NAALADL2: variants seen among roughly 807,000 people sequenced by gnomAD.
NAALADL2 encodes N-acetylated alpha-linked acidic dipeptidase like 2, also known as inactive N-acetylated-alpha-linked acidic dipeptidase-like protein 2.
A neutral mutation model predicts 87.2 loss-of-function variants in NAALADL2; 76 were observed. The observed-to-expected ratio is 0.87, with a 90% CI of 0.72 to 1.05. The LOEUF is 1.05. Ranked by LOEUF, NAALADL2 falls within the 50% of genes least tolerant of loss-of-function variation. NAALADL2 has a pLI of 0.00. For missense variants in NAALADL2, 1,089 were observed against 945.8 expected (o/e 1.15, Z -1.99); for synonymous variants, 354 against 331.0 (o/e 1.07, Z -0.75).
chr3:175,023,226 A>G (rs1751793314), intron 1 of NAALADL2, among the ~76,000 whole-genome samples: 1 of 150,494 alleles, frequency 6.6e-6, no homozygotes, highest in Non-Finnish European at 1.5e-5. Context: ...CTCAAGTCAT[A>G]AAGATGTATC....
intron 4 of NAALADL2, among the ~76,000 whole-genome samples, chr3:175,287,871 C>G (rs2110121377): frequency 6.6e-6 from 1 of 152,058 alleles, no homozygotes; most frequent in East Asian, 1.9e-4. Context: ...TGAATTTTTT[C>G]AAAAAGGAGT....
At chr3:174,863,218 C>T (rs1002484516) in intron 1 of NAALADL2, among the ~76,000 whole-genome samples, 1 of 152,212 alleles carries the variant, frequency 6.6e-6, no homozygotes, top group African/African-American at 2.4e-5. Context: ...CTCAAAACTG[C>T]GTTTGCTGCA....
intron 9 of NAALADL2, among the ~76,000 whole-genome samples, chr3:175,526,051 T>G (rs1415609581): frequency 6.6e-6 from 1 of 152,170 alleles, no homozygotes; most frequent in Non-Finnish European, 1.5e-5. Context: ...AAAAGAATAA[T>G]CTACAATTCG....
intron 2 of NAALADL2, among the ~76,000 whole-genome samples, chr3:174,590,516 T>A (rs759606066): frequency 2.4e-4 from 36 of 152,288 alleles, no homozygotes; most frequent in Admixed American, 1.9e-3. Context: ...TACTGATAGA[T>A]TTTGTCCCTC....
At chr3:174,919,055 T>A (rs1734792621) in intron 1 of NAALADL2, among the ~76,000 whole-genome samples, 1 of 152,066 alleles carries the variant, frequency 6.6e-6, no homozygotes, top group Non-Finnish European at 1.5e-5. Flanking sequence ...AATGTACATA[T>A]TTTAATTTAA....
At chr3:174,661,214 G>A (rs1725470287) in intron 2 of NAALADL2, among the ~76,000 whole-genome samples, 1 of 152,114 alleles carries the variant, frequency 6.6e-6, no homozygotes, top group Non-Finnish European at 1.5e-5. Flanking sequence ...CAACCCCAGA[G>A]TCTATCCACT....
intron 1 of NAALADL2, among the ~76,000 whole-genome samples, chr3:174,893,735 A>C (rs968386475): frequency 1.3e-5 from 2 of 152,194 alleles, no homozygotes; most frequent in African/African-American, 4.8e-5. Flanking sequence ...AAAAAATACA[A>C]AGCAGGAAAC....
At chr3:175,083,847 C>A (rs1029762227) in intron 1 of NAALADL2, among the ~76,000 whole-genome samples, 2 of 152,122 alleles carry the variant, frequency 1.3e-5, no homozygotes, top group African/African-American at 4.8e-5. Flanking sequence ...AGATGCTATA[C>A]CTATTTTGAA....
intron 11 of NAALADL2, among the ~76,000 whole-genome samples, chr3:175,668,416 C>T (rs887259580): frequency 1.4e-4 from 21 of 151,936 alleles, no homozygotes; most frequent in African/African-American, 5.1e-4. Context: ...ACTTTTACTG[C>T]ATTTTCAGAT....
intron 1 of NAALADL2, among the ~76,000 whole-genome samples, chr3:174,877,069 A>C (rs986451172): frequency 2.0e-5 from 3 of 152,066 alleles, no homozygotes; most frequent in African/African-American, 7.2e-5. Context: ...AGACTATTTA[A>C]ACCTAATTAT....
intron 3 of NAALADL2, chr3:175,242,438 A>G (rs1256227440): frequency 1.3e-5 from 2 of 152,234 alleles, no homozygotes; most frequent in East Asian, 3.9e-4. Flanking sequence ...GATCTGTGGA[A>G]AAGTTGATTC....
intron 1 of NAALADL2, among the ~76,000 whole-genome samples, chr3:174,534,796 A>C (rs1307404406): frequency 1.3e-5 from 2 of 152,168 alleles, no homozygotes; most frequent in East Asian, 1.9e-4. Flanking sequence ...AAGACATGGA[A>C]GGTGAATCGG....
intron 2 of NAALADL2, among the ~76,000 whole-genome samples, chr3:175,174,662 T>C (rs1433960812): frequency 1.3e-5 from 2 of 151,974 alleles, no homozygotes; most frequent in African/African-American, 4.8e-5. Flanking sequence ...GAAGGAAAAT[T>C]AGAAAAAATA....
chr3:174,659,507 G>A (rs780041197), intron 2 of NAALADL2, among the ~76,000 whole-genome samples: 12 of 152,146 alleles, frequency 7.9e-5, no homozygotes, highest in Non-Finnish European at 1.5e-4. Context: ...CACCTAAATG[G>A]TTATCACAGA....
intron 2 of NAALADL2, among the ~76,000 whole-genome samples, chr3:174,575,966 C>A (rs771558630): frequency 1.3e-5 from 2 of 152,034 alleles, no homozygotes; most frequent in African/African-American, 2.4e-5. Flanking sequence ...CGGGTTAAAG[C>A]GATGATCCTG....
At chr3:174,989,453 A>G (rs1171901911) in intron 1 of NAALADL2, among the ~76,000 whole-genome samples, 1 of 152,220 alleles carries the variant, frequency 6.6e-6, no homozygotes, top group African/African-American at 2.4e-5. Flanking sequence ...ATAAATTAGT[A>G]AAGAGAAGGA....
chr3:175,419,044 C>T (rs1451597170), intron 5 of NAALADL2, among the ~76,000 whole-genome samples: 1 of 150,398 alleles, frequency 6.6e-6, no homozygotes, highest in African/African-American at 2.4e-5. Context: ...GTCATAGATA[C>T]ACAGAATGGT....
chr3:174,458,911 A>G (rs1249312692), intron 1 of NAALADL2, among the ~76,000 whole-genome samples: 1 of 152,032 alleles, frequency 6.6e-6, no homozygotes, highest in Non-Finnish European at 1.5e-5. Flanking sequence ...TCAAGCCTCT[A>G]TTATGTTTCC....
At chr3:174,463,267 C>T (rs930146181) in intron 1 of NAALADL2, among the ~76,000 whole-genome samples, 4 of 152,100 alleles carry the variant, frequency 2.6e-5, no homozygotes, top group Non-Finnish European at 5.9e-5. Flanking sequence ...GCTCAGTATA[C>T]TTTTGTCCTG....
Sources: gnomAD v4.1 joint callset for allele counts (sites outside exome capture counted in the v4.1 genomes callset) on GRCh38, gnomAD v4.1.1 for gene constraint, MANE v1.5 for transcripts, NCBI Gene and HGNC (gene_info 2026-07-23, HGNC 2026-07-21) for gene names.